UNC13C: variants seen among roughly 807,000 people sequenced by gnomAD.
The protein encoded by UNC13C is unc-13 homolog C.
Under a neutral mutation model 245.4 loss-of-function variants are expected in UNC13C, and 174 were observed. The ratio of observed to expected loss-of-function variants is 0.71; its 90% CI spans 0.63 to 0.80. UNC13C has a LOEUF of 0.80. UNC13C is among the 30% of genes least tolerant of loss of function. The pLI is 0.00. For synonymous variants in UNC13C, 992 were observed against 895.1 expected, an observed-to-expected ratio of 1.11 and a Z score of -1.93; for missense variants, 2,829 against 2,602.9, an observed-to-expected ratio of 1.09 and a Z score of -1.89.
chr15:54,333,535 T>C (rs1188364782), intron 15 of UNC13C, among the ~76,000 whole-genome samples: 1 of 152,086 alleles, frequency 6.6e-6, no homozygotes, highest in Non-Finnish European at 1.5e-5. Flanking sequence ...TTTATTGCAT[T>C]GTTAGTGTAA....
At position 54,076,509 on chromosome 15, in the gene UNC13C, G is replaced by T. The variant is rs539403440; in HGVS notation, c.2983+60623G>T. On this transcript the variant is annotated intron_variant, in intron 2 of 32. Transcript: ENST00000260323. ...TACTGAATTTAATTTCCATTTAAAT[G>T]CTCTCCACCATTTATAAATGTGGGA... is the stretch of plus-strand genomic sequence containing the variant. Among the ~76,000 whole-genome samples, 4 of 151,936 alleles carry T rather than the reference G, an allele frequency of 2.6e-5. 1 individual carries two copies. In the South Asian group the frequency reaches 8.3e-4, roughly 32 times the overall value.
chr15:54,183,277 G>C (rs557400931), intron 4 of UNC13C, among the ~76,000 whole-genome samples: 5 of 150,818 alleles, frequency 3.3e-5, no homozygotes, highest in Non-Finnish European at 7.4e-5. Flanking sequence ...TAAATAAATG[G>C]TGCTGATTGT....
the UNC13C span, among the ~76,000 whole-genome samples, chr15:53,891,283 T>C: frequency 1.3e-5 from 2 of 152,156 alleles, no homozygotes; most frequent in Non-Finnish European, 2.9e-5. Context: ...TTACTTCCCA[T>C]TATGTGGTCA....
At chr15:54,211,319 A>G (rs1250695264) in intron 4 of UNC13C, among the ~76,000 whole-genome samples, 1 of 152,150 alleles carries the variant, frequency 6.6e-6, no homozygotes, top group African/African-American at 2.4e-5. Context: ...ATAGAGATAA[A>G]GGGGAATGAA....
At chr15:53,980,031 A>G (rs1893863676) in intron 1 of UNC13C, among the ~76,000 whole-genome samples, 1 of 152,184 alleles carries the variant, frequency 6.6e-6, no homozygotes, top group South Asian at 2.1e-4. Flanking sequence ...GTTAACACAG[A>G]GTTAATGCCA....
chr15:54,447,471 A>G (rs1184333885), intron 19 of UNC13C, among the ~76,000 whole-genome samples: 1 of 152,114 alleles, frequency 6.6e-6, no homozygotes, highest in Middle Eastern at 3.2e-3. Context: ...GTCTATTCAG[A>G]GATTCAACTT....
chr15:53,932,270 C>T, the UNC13C span, among the ~76,000 whole-genome samples: 1 of 151,814 alleles, frequency 6.6e-6, no homozygotes, highest in Admixed American at 6.6e-5. Context: ...GATTTCACCA[C>T]AGCACTCCAG....
At chr15:54,140,523 C>G (rs1415832668) in intron 2 of UNC13C, among the ~76,000 whole-genome samples, 1 of 152,194 alleles carries the variant, frequency 6.6e-6, no homozygotes, top group Admixed American at 6.5e-5. Context: ...GTGCACAATA[C>G]TGAACCCAGG....
chr15:54,016,935 A>G (rs1420921524), intron 2 of UNC13C, among the ~76,000 whole-genome samples: 2 of 152,238 alleles, frequency 1.3e-5, no homozygotes, highest in African/African-American at 4.8e-5. Context: ...ATCAAATAAC[A>G]TAATAATATC....
chr15:53,967,556 T>C, the UNC13C span, among the ~76,000 whole-genome samples: 1 of 152,180 alleles, frequency 6.6e-6, no homozygotes, highest in Non-Finnish European at 1.5e-5. Flanking sequence ...TGCTTATATT[T>C]TGTGTTCATA....
the UNC13C span, among the ~76,000 whole-genome samples, chr15:53,928,544 C>T: frequency 2.0e-5 from 3 of 152,066 alleles, no homozygotes; most frequent in Non-Finnish European, 4.4e-5. Flanking sequence ...CAGTTTATGG[C>T]CAGATTTTGG....
At chr15:54,142,865 T>C (rs1275583639) in intron 2 of UNC13C, among the ~76,000 whole-genome samples, 153 bp from the exon 3 acceptor site, 1 of 152,212 alleles carries the variant, frequency 6.6e-6, no homozygotes, top group African/African-American at 2.4e-5. Flanking sequence ...GAACCAACTA[T>C]CCTTGTACCC....
At chr15:54,510,384 G>A (rs1239750331) in intron 23 of UNC13C, among the ~76,000 whole-genome samples, 1 of 152,114 alleles carries the variant, frequency 6.6e-6, no homozygotes, top group Non-Finnish European at 1.5e-5. Context: ...TGAATCCTCT[G>A]AAAATGTGGC....
chr15:54,014,096 A>C lies in UNC13C; in HGVS notation c.1193A>C (p.Lys398Thr). 6.2e-7 allele frequency: 1 copy of C among 1,613,738 alleles called. No individual in the cohort carries two copies. Among genetic ancestry groups the C allele is most frequent in the Non-Finnish European group, 8.5e-7 (1 of 1,179,834 alleles). ...GTCTTAAAAAAGTCATATAAACTCA[A>C]AGGAACAGGCATTGGAATCTCAACA... The part of the protein sequence containing the change: ...DSVLKKSYKL[K>T]GTGIGISTDI... Residue 398 changes from lysine (K) to threonine (T), a missense_variant, in exon 2 of 33, where the codon AAA (lysine) becomes ACA (threonine). Coordinates refer to ENST00000260323, the MANE Select transcript of UNC13C (RefSeq NM_001080534.3).
intron 2 of UNC13C, chr15:54,050,818 T>G: frequency 1.7e-6 from 1 of 587,548 alleles, no homozygotes; most frequent in South Asian, 1.4e-5. Flanking sequence ...TAGTCCAGCC[T>G]ACACAGCTTA....
intron 19 of UNC13C, among the ~76,000 whole-genome samples, chr15:54,421,346 C>G (rs1191173030): frequency 6.6e-6 from 1 of 151,948 alleles, no homozygotes; most frequent in African/African-American, 2.4e-5. Flanking sequence ...GCCTATACAT[C>G]AAAACTCTGC....
the UNC13C span, among the ~76,000 whole-genome samples, chr15:53,925,539 A>T: frequency 1.3e-5 from 2 of 152,170 alleles, no homozygotes; most frequent in African/African-American, 4.8e-5. Context: ...GCAGAATAGA[A>T]GTGTCAAGCA....
At position 54,014,652 on chromosome 15, in the gene UNC13C, C is replaced by G. The variant is rs1259201990; in HGVS notation, c.1749C>G (p.Asp583Glu). The change falls in exon 2 of 33, where the codon GAC becomes GAG. Residue 583 changes from aspartate (D) to glutamate (E), a missense_variant. Transcript: ENST00000260323. ...TNGSSLLSSS[D>E]RELWQRKQEG... ...GAAGCTCTCTCCTGTCATCTTCGGA[C>G]CGGGAGCTATGGCAGAGGAAACAGG... is the stretch of plus-strand genomic sequence containing the variant. 1.9e-6 allele frequency: 3 copies of G among 1,613,622 alleles called. No homozygotes were observed. The East Asian group carries it at 6.7e-5, about 36-fold the overall frequency.
chr15:54,208,687 G>A (rs2034788932), intron 4 of UNC13C, among the ~76,000 whole-genome samples: 1 of 152,048 alleles, frequency 6.6e-6, no homozygotes, highest in Non-Finnish European at 1.5e-5. Flanking sequence ...CTGAGGCAGG[G>A]TAAATTTTGG....
Sources: gnomAD v4.1 joint callset for allele counts (sites outside exome capture counted in the v4.1 genomes callset) on GRCh38, gnomAD v4.1.1 for gene constraint, MANE v1.5 for transcripts, NCBI Gene and HGNC (gene_info 2026-07-23, HGNC 2026-07-21) for gene names.